Variants in ASH1L observed in about 807,000 individuals in gnomAD.
ASH1L encodes the protein histone-lysine N-methyltransferase ASH1L.
Under a neutral mutation model 269.0 loss-of-function variants are expected in ASH1L, and 23 were observed. That is an observed-to-expected ratio of 0.09 (90% CI 0.06 to 0.12). The LOEUF is 0.12. Ranked by LOEUF, ASH1L falls within the 10% of genes least tolerant of loss-of-function variation. The probability of loss-of-function intolerance (pLI) is 1.00; values close to 1 mark genes in which losing one functional copy is unlikely to be tolerated. For synonymous variants in ASH1L, 1,187 were observed against 1,253.5 expected (o/e 0.95, Z 1.12); for missense variants, 2,912 against 3,567.8 (o/e 0.82, Z 4.68).
chr1:155,387,874 G>C (rs1046463382), intron 7 of ASH1L, among the ~76,000 whole-genome samples: 1 of 152,092 alleles, frequency 6.6e-6, no homozygotes, highest in African/African-American at 2.4e-5. Context: ...GTATTCCTAG[G>C]TATTTTATTC....
At chr1:155,356,977 C>T (rs1009922586) in intron 15 of ASH1L, among the ~76,000 whole-genome samples, 4 of 149,300 alleles carry the variant, frequency 2.7e-5, no homozygotes, top group Admixed American at 6.7e-5. Flanking sequence ...GTGCCTGCAG[C>T]CCCAGCTACT....
intron 7 of ASH1L, among the ~76,000 whole-genome samples, chr1:155,385,244 A>G (rs1382513492): frequency 6.6e-6 from 1 of 152,134 alleles, no homozygotes; most frequent in Non-Finnish European, 1.5e-5. Context: ...GGAGTTCCAG[A>G]CCAGTCTGGC....
In ASH1L at chr1:155,433,107, T is replaced by C. The variant is rs2148600185; in HGVS notation, c.5828+5220A>G. The C allele has an allele frequency of 5.9e-6, 8 of 1,360,076 alleles. No homozygotes were observed. In the South Asian group the frequency reaches 6.0e-5, roughly 10 times the overall value. The allele number at this position is 1,360,076 out of a possible 1,614,324, so 84.3% of individuals were successfully genotyped here. A position where few individuals can be genotyped will look rare whatever the true frequency, so the allele number is the denominator to read the frequency against. ...AACTGCTATGACAGAGATACCAAAA[T>C]AGACTGATAGAAAGGAATATAAAAA... On this transcript the variant is annotated intron_variant, in intron 5 of 27. Transcript: ENST00000392403.
In ASH1L at chr1:155,343,095, T is replaced by A; in HGVS notation, c.8293+219A>T. 2.2e-6 allele frequency: 1 copy of A among 461,654 alleles called. No individual in the cohort carries two copies. The highest frequency in any genetic ancestry group is 3.8e-6 in the Non-Finnish European group (1 of 260,108). The allele number at this position is 461,654 out of a possible 1,614,324, so 28.6% of individuals were successfully genotyped here. A position where few individuals can be genotyped will look rare whatever the true frequency, so the allele number is the denominator to read the frequency against. On this transcript the variant is annotated intron_variant, in intron 24 of 27. Coordinates refer to ENST00000392403, the MANE Select transcript of ASH1L (RefSeq NM_018489.3). The surrounding 1 kb of genome is among the most constrained non-coding windows in gnomAD (Gnocchi z 6.1). ...GGTGCGATCTTGGCTCACTGCAACCTCTGCCTCCCAGGCTCAGCAATCCTC... is the reference window on the plus strand; with the variant it reads ...GGTGCGATCTTGGCTCACTGCAACCACTGCCTCCCAGGCTCAGCAATCCTC...
At chr1:155,406,600 G>C (rs899739078) in intron 6 of ASH1L, among the ~76,000 whole-genome samples, 3 of 152,160 alleles carry the variant, frequency 2.0e-5, no homozygotes, top group Admixed American at 2.0e-4. Context: ...CTACTCGGGA[G>C]GCTGAGGAAG....
Position 155,479,359 on chromosome 1 carries a change from G to A in ASH1L, c.3511C>T (p.Pro1171Ser). ...LSPPTLLPNS[P>S]SHLSELTSLK... The stretch of plus-strand genomic sequence containing the variant: ...GATGTGAGTTCACTCAAGTGCGAAG[G>A]AGAATTTGGCAACAAAGTAGGAGGA... Residue 1171 changes from proline to serine, a missense_variant, in exon 3 of 28, where the codon CCT becomes TCT. By Grantham distance (74) the Pro-to-Ser change is moderately conservative (BLOSUM62 -1). This residue lies in a region of ASH1L where 157 missense variants were observed against 154.6 expected (regional missense o/e 1.02). Transcript: ENST00000392403. The A allele has an allele frequency of 6.2e-7, 1 of 1,614,130 alleles. No individual in the cohort carries two copies. Among genetic ancestry groups the A allele is most frequent in the Non-Finnish European group, 8.5e-7 (1 of 1,180,022 alleles).
At chr1:155,521,064 T>C in intron 2 of ASH1L, 36 bp downstream of exon 2, 3 of 1,530,234 alleles carry the variant, frequency 2.0e-6, no homozygotes, top group Non-Finnish European at 2.6e-6. Context: ...ATGAAAATAT[T>C]GTCAATAACC....
chr1:155,343,787 A>T lies in ASH1L; in HGVS notation c.7982-45T>A, dbSNP rs749262233. On this transcript the variant is annotated intron_variant, in intron 22 of 27. Transcript: ENST00000392403. This position sits in a 1 kb window ranked among gnomAD's most constrained non-coding sequence, Gnocchi z 6.1. Reference sequence around the variant, plus strand: ...AGAAGAAACATAAAACAATTCTTGTATGAATTCTGTTAGGCATCTGTTTAT... The same window carrying T: ...AGAAGAAACATAAAACAATTCTTGTTTGAATTCTGTTAGGCATCTGTTTAT... 3.3e-5 allele frequency: 53 copies of T among 1,604,768 alleles called. No homozygotes were observed. The highest frequency in any genetic ancestry group is 4.5e-5 in the Non-Finnish European group (53 of 1,175,038).
intron 4 of ASH1L, among the ~76,000 whole-genome samples, chr1:155,448,225 AC>A (rs1663177992): frequency 6.6e-6 from 1 of 152,208 alleles, no homozygotes; most frequent in African/African-American, 2.4e-5. Context: ...TTATGCTAGT[AC>A]CATGCTGTTT....
chr1:155,502,591 T>C (rs1226940138), intron 2 of ASH1L, among the ~76,000 whole-genome samples: 1 of 152,050 alleles, frequency 6.6e-6, no homozygotes, highest in Admixed American at 6.6e-5. Flanking sequence ...GCCAAAGAAA[T>C]AGAGAAATCA....
At chr1:155,434,004 G>C in intron 5 of ASH1L, 4 of 1,588,574 alleles carry the variant, frequency 2.5e-6, no homozygotes, top group Non-Finnish European at 2.6e-6. Context: ...GATGTGGTCC[G>C]AGTGTGGTTC....
At chr1:155,415,210 C>G (rs999359775) in intron 6 of ASH1L, among the ~76,000 whole-genome samples, 6 of 151,694 alleles carry the variant, frequency 4.0e-5, no homozygotes, top group Admixed American at 3.9e-4. Context: ...GGTGAAACCC[C>G]GTCTCTACTA....
rs773207071 is a variant in ASH1L at position 155,521,551 on chromosome 1, T to C, written c.-32A>G. The C allele has an allele frequency of 4.5e-6, 7 of 1,563,354 alleles. No individual in the cohort carries two copies. The highest frequency in any genetic ancestry group is 2.0e-5 in the Admixed American group (1 of 49,182). ...CGTATGTTATTGCCAAGGAATCTTA[T>C]GAAAATTTTACAGAACTGTGTTCCA... On this transcript the variant is annotated 5_prime_UTR_variant, in exon 2 of 28. Coordinates refer to ENST00000392403, the MANE Select transcript of ASH1L (RefSeq NM_018489.3).
chr1:155,386,234 A>C (rs760044693), intron 7 of ASH1L, among the ~76,000 whole-genome samples: 2 of 151,574 alleles, frequency 1.3e-5, no homozygotes, highest in Non-Finnish European at 2.9e-5. Flanking sequence ...TGCCCAACTA[A>C]TTTTTTTGTA....
At chr1:155,399,407 T>A (rs766735993) in intron 6 of ASH1L, among the ~76,000 whole-genome samples, 1 of 152,076 alleles carries the variant, frequency 6.6e-6, no homozygotes, top group South Asian at 2.1e-4. Flanking sequence ...CTTTGGGAAG[T>A]AGGGGCGGGC....
intron 1 of ASH1L, among the ~76,000 whole-genome samples, chr1:155,536,994 G>A (rs1239638185): frequency 8.2e-5 from 12 of 146,844 alleles, no homozygotes; most frequent in African/African-American, 3.0e-4. Context: ...GCAGAGAGCC[G>A]AGGTCACACC....
chr1:155,478,544 T>C lies in ASH1L; in HGVS notation c.4326A>G (p.Lys1442=), dbSNP rs1483005325. ...CCTCCTGTCGAAGTAGCTTATGCTTTTTCTTATGGTATTTGGCAGGATTGA... is the reference window on the plus strand; with the variant it reads ...CCTCCTGTCGAAGTAGCTTATGCTTCTTCTTATGGTATTTGGCAGGATTGA... ...LLLNPAKYHK[K]KHKLLRQEAF... Residue 1442 remains lysine, a synonymous_variant, in exon 3 of 28, where the codon AAA becomes AAG. Transcript: ENST00000392403. This position sits in a 1 kb window ranked among gnomAD's most constrained non-coding sequence, Gnocchi z 4.6. 3 of 1,613,996 alleles carry C rather than the reference T, an allele frequency of 1.9e-6. No individual in the cohort carries two copies. In the Admixed American group the frequency reaches 5.0e-5, roughly 27 times the overall value.
chr1:155,547,341 A>G (rs1487186100), intron 1 of ASH1L, among the ~76,000 whole-genome samples: 1 of 151,996 alleles, frequency 6.6e-6, no homozygotes, highest in African/African-American at 2.4e-5. Flanking sequence ...TTACTGCAGC[A>G]CTATTTACAA....
At position 155,562,465 on chromosome 1, in the gene ASH1L, TGGCGGCGGC is replaced by T. The variant is rs1424423593; in HGVS notation, c.-421_-413del. The T allele has an allele frequency of 1.2e-5, 18 of 1,451,842 alleles. No homozygotes were observed. In the Admixed American group the frequency reaches 1.8e-4, roughly 14 times the overall value. The allele number at this position is 1,451,842 out of a possible 1,614,324, so 89.9% of individuals were successfully genotyped here. ...GGCGGCAGCAGCAGAGTGGCGGCGG[TGGCGGCGGC>T]AGCTCCTCCAGAGGGAGGGAGCGAA... On this transcript the variant is annotated 5_prime_UTR_variant, in exon 1 of 28. Coordinates refer to ENST00000392403, the MANE Select transcript of ASH1L (RefSeq NM_018489.3).
Sources: allele counts gnomAD v4.1 joint callset (sites outside exome capture counted in the v4.1 genomes callset), GRCh38; gene constraint gnomAD v4.1.1; regional missense constraint gnomAD v4.1.1; non-coding constraint Gnocchi (gnomAD v3.1); transcripts MANE v1.5; gene names NCBI Gene and HGNC (gene_info 2026-07-23, HGNC 2026-07-21).